Variants in PIK3CA observed in about 807,000 individuals in gnomAD.
The protein encoded by PIK3CA is phosphatidylinositol-4,5-bisphosphate 3-kinase catalytic subunit alpha.
PIK3CA carries 27 observed loss-of-function variants against 138.2 expected under a neutral mutation model. The ratio of observed to expected loss-of-function variants is 0.20; its 90% CI spans 0.14 to 0.27. The LOEUF is 0.27. PIK3CA is among the 10% of genes least tolerant of loss of function. The pLI is 1.00. For synonymous variants in PIK3CA, 358 were observed against 413.2 expected, an observed-to-expected ratio of 0.87 and a Z score of 1.62; for missense variants, 544 against 1,277.4, an observed-to-expected ratio of 0.43 and a Z score of 8.75.
intron 18 of PIK3CA, 107 bp from the exon 19 acceptor site, chr3:179,229,897 T>C: frequency 1.5e-6 from 1 of 663,488 alleles, no homozygotes. Context: ...TCGTTGTCAG[T>C]GATTGTTTTC....
chr3:179,187,142 C>G (rs926916856), intron 1 of PIK3CA, among the ~76,000 whole-genome samples: 4 of 151,856 alleles, frequency 2.6e-5, no homozygotes, highest in African/African-American at 9.7e-5. Flanking sequence ...TGTAGGAGTT[C>G]TAGCTAGATA....
chr3:179,195,350 C>A (rs1431363736), intron 1 of PIK3CA, among the ~76,000 whole-genome samples: 3 of 151,908 alleles, frequency 2.0e-5, no homozygotes, highest in African/African-American at 7.3e-5. Context: ...ATAATGTTGG[C>A]AATACTTTAC....
intron 1 of PIK3CA, among the ~76,000 whole-genome samples, chr3:179,171,674 C>T (rs1723562332): frequency 6.6e-6 from 1 of 151,960 alleles, no homozygotes; most frequent in African/African-American, 2.4e-5. Flanking sequence ...ATACTAATTA[C>T]CAAAACTGAC....
chr3:179,187,907 G>C (rs1039421848), intron 1 of PIK3CA, among the ~76,000 whole-genome samples: 1 of 152,144 alleles, frequency 6.6e-6, no homozygotes, highest in Non-Finnish European at 1.5e-5. Flanking sequence ...AAAATGCTGG[G>C]ATTATAGGCA....
intron 1 of PIK3CA, among the ~76,000 whole-genome samples, chr3:179,161,654 G>A (rs540118326): frequency 1.3e-5 from 2 of 152,262 alleles, no homozygotes; most frequent in South Asian, 2.1e-4. Context: ...CTGAGATCAC[G>A]CCACTGCACT....
At chr3:179,162,026 G>A (rs914369524) in intron 1 of PIK3CA, among the ~76,000 whole-genome samples, 6 of 152,008 alleles carry the variant, frequency 3.9e-5, no homozygotes, top group African/African-American at 1.4e-4. Context: ...TACGGTCAAC[G>A]TTTTCCTTGA....
At chr3:179,197,495 A>T (rs1343157066) in intron 1 of PIK3CA, among the ~76,000 whole-genome samples, 2 of 152,246 alleles carry the variant, frequency 1.3e-5, no homozygotes, top group African/African-American at 2.4e-5. Context: ...TACACACAGC[A>T]TACACATAAT....
At chr3:179,233,458 A>T (rs1725258416) in intron 20 of PIK3CA, 2 of 395,758 alleles carry the variant, frequency 5.1e-6, no homozygotes, top group Non-Finnish European at 8.9e-6. Context: ...CTGTGAAGGA[A>T]AATGGAAAGG....
intron 1 of PIK3CA, among the ~76,000 whole-genome samples, chr3:179,188,735 T>A (rs1560133647): frequency 6.6e-6 from 1 of 152,192 alleles, no homozygotes; most frequent in African/African-American, 2.4e-5. Flanking sequence ...TTTATCACTG[T>A]GGAATCATTT....
intron 16 of PIK3CA, 63 bp downstream of exon 16, chr3:179,224,884 A>G: frequency 8.4e-7 from 1 of 1,193,026 alleles, no homozygotes. Flanking sequence ...TACACAGGAT[A>G]TTTATGAACC....
chr3:179,233,201 A>G lies in PIK3CA; in HGVS notation c.2937-893A>G, dbSNP rs192805652. On this transcript the variant is annotated intron_variant, in intron 20 of 20. Coordinates refer to ENST00000263967, the MANE Select transcript of PIK3CA (RefSeq NM_006218.4). ...TGGAGAACTCTTGGGTTTTCTAGGTATATGATTATGTCATTGGTAAACAGC... is the reference window on the plus strand; with the variant it reads ...TGGAGAACTCTTGGGTTTTCTAGGTGTATGATTATGTCATTGGTAAACAGC... 2.9e-4 allele frequency: 117 copies of G among 396,930 alleles called. No individual in the cohort carries two copies. The East Asian group carries it at 3.3e-3, about 11-fold the overall frequency. 24.6% of individuals were successfully genotyped at this position (396,930 alleles called of 1,614,324 possible). A position where few individuals can be genotyped will look rare whatever the true frequency, so the allele number is the denominator to read the frequency against.
chr3:179,162,532 A>G (rs989794932), intron 1 of PIK3CA, among the ~76,000 whole-genome samples: 8 of 152,088 alleles, frequency 5.3e-5, no homozygotes, highest in Admixed American at 5.2e-4. Flanking sequence ...GTATGATAGG[A>G]TTTCATTCCT....
intron 1 of PIK3CA, among the ~76,000 whole-genome samples, chr3:179,198,254 A>AG (rs1211410663): frequency 1.6e-4 from 24 of 152,330 alleles, no homozygotes; most frequent in Admixed American, 6.5e-4. Context: ...TTACAGGTTG[A>AG]GGGCAGGGAG....
intron 1 of PIK3CA, among the ~76,000 whole-genome samples, chr3:179,177,609 A>G (rs920598519): frequency 1.3e-5 from 2 of 152,132 alleles, no homozygotes; most frequent in African/African-American, 4.8e-5. Context: ...CACCACGCCC[A>G]GGCTATAGTT....
At chr3:179,150,170 CGTGTGTGTGTGTGTGTGT>C (rs35995073) in intron 1 of PIK3CA, among the ~76,000 whole-genome samples, 1 of 147,052 alleles carries the variant, frequency 6.8e-6, no homozygotes. Flanking sequence ...TGTGTGTTTA[CGTGTGTGTGTGTGTGTGT>C]GTGTGTGTGT....
chr3:179,148,887 G>T (rs1458661565), intron 1 of PIK3CA, among the ~76,000 whole-genome samples: 1 of 152,132 alleles, frequency 6.6e-6, no homozygotes, highest in Non-Finnish European at 1.5e-5. Context: ...GGGACGGGGC[G>T]GCTGGAGGTT....
At chr3:179,216,532 T>G (rs1263978328) in intron 9 of PIK3CA, among the ~76,000 whole-genome samples, 1 of 152,156 alleles carries the variant, frequency 6.6e-6, no homozygotes, top group Non-Finnish European at 1.5e-5. Flanking sequence ...AAATAACTCC[T>G]TGAGTTGATC....
At chr3:179,189,341 C>G (rs957078574) in intron 1 of PIK3CA, among the ~76,000 whole-genome samples, 1 of 152,146 alleles carries the variant, frequency 6.6e-6, no homozygotes, top group African/African-American at 2.4e-5. Context: ...GTAAAAGATA[C>G]ATAAAGTGAC....
chr3:179,165,322 A>G (rs1302405617), intron 1 of PIK3CA, among the ~76,000 whole-genome samples: 1 of 152,198 alleles, frequency 6.6e-6, no homozygotes, highest in Non-Finnish European at 1.5e-5. Context: ...GAGACTTGAT[A>G]ATGTGCAAAT....
Sources: allele counts gnomAD v4.1 joint callset (sites outside exome capture counted in the v4.1 genomes callset), GRCh38; gene constraint gnomAD v4.1.1; transcripts MANE v1.5; gene names NCBI Gene and HGNC (gene_info 2026-07-23, HGNC 2026-07-21).